Variants in GALNTL6 observed in about 807,000 individuals in gnomAD.
GALNTL6 encodes the protein polypeptide N-acetylgalactosaminyltransferase-like 6.
In GALNTL6, 46 loss-of-function variants were observed where a neutral mutation model predicts 73.7. That is an observed-to-expected ratio of 0.62 (90% CI 0.49 to 0.80). The LOEUF (loss-of-function observed/expected upper bound fraction) is 0.80. GALNTL6 is among the 30% of genes least tolerant of loss of function. GALNTL6 has a pLI of 0.00. For synonymous variants in GALNTL6, 259 were observed against 263.7 expected (o/e 0.98, Z 0.17); for missense variants, 604 against 755.0 (o/e 0.80, Z 2.34).
chr4:173,014,069 A>T (rs1399225284), intron 11 of GALNTL6, among the ~76,000 whole-genome samples: 1 of 152,048 alleles, frequency 6.6e-6, no homozygotes, highest in Non-Finnish European at 1.5e-5. Context: ...GGCAAAAATT[A>T]AAAAAAGGAA....
chr4:171,915,101 T>C (rs1737580931), intron 2 of GALNTL6, among the ~76,000 whole-genome samples: 1 of 152,144 alleles, frequency 6.6e-6, no homozygotes, highest in Non-Finnish European at 1.5e-5. Context: ...GGCTATAACT[T>C]ATAATTGAAT....
chr4:172,665,974 C>T (rs1579309494), intron 5 of GALNTL6, among the ~76,000 whole-genome samples: 1 of 152,136 alleles, frequency 6.6e-6, no homozygotes, highest in East Asian at 1.9e-4. Flanking sequence ...ACATATTCTG[C>T]TTTTCTTTAT....
intron 5 of GALNTL6, among the ~76,000 whole-genome samples, chr4:172,723,783 A>ATT (rs1735631620): frequency 1.8e-5 from 1 of 55,176 alleles, no homozygotes; most frequent in African/African-American, 4.2e-5. Flanking sequence ...AAATCCATTC[A>ATT]CTTTAGGTAT....
At chr4:172,696,645 T>C (rs934276605) in intron 5 of GALNTL6, among the ~76,000 whole-genome samples, 1 of 152,200 alleles carries the variant, frequency 6.6e-6, no homozygotes, top group Admixed American at 6.5e-5. Context: ...GCATACACTC[T>C]CTTGCCTGCT....
intron 5 of GALNTL6, among the ~76,000 whole-genome samples, chr4:172,604,985 A>C (rs1166716519): frequency 6.6e-6 from 1 of 152,148 alleles, no homozygotes; most frequent in Non-Finnish European, 1.5e-5. Context: ...TCCTCAGGAA[A>C]CTCACTGACA....
chr4:172,792,213 GAA>G, intron 5 of GALNTL6, among the ~76,000 whole-genome samples: 1 of 152,256 alleles, frequency 6.6e-6, no homozygotes, highest in East Asian at 1.9e-4. Context: ...GCAAATAAAT[GAA>G]GAGTATATTT....
At chr4:172,549,306 A>G (rs1735878669) in intron 5 of GALNTL6, among the ~76,000 whole-genome samples, 1 of 152,236 alleles carries the variant, frequency 6.6e-6, no homozygotes, top group African/African-American at 2.4e-5. Flanking sequence ...TGATTTTTGT[A>G]TCCTACATTT....
chr4:172,616,994 A>G (rs758774985), intron 5 of GALNTL6, among the ~76,000 whole-genome samples: 5 of 152,052 alleles, frequency 3.3e-5, no homozygotes, highest in African/African-American at 4.8e-5. Flanking sequence ...CTGGGTTTCC[A>G]GGTCTCAAAG....
chr4:172,907,551 G>T (rs936211026), intron 8 of GALNTL6, among the ~76,000 whole-genome samples: 9 of 152,174 alleles, frequency 5.9e-5, no homozygotes, highest in Non-Finnish European at 1.3e-4. Context: ...AACTGCTTTT[G>T]CAAAATACTT....
chr4:171,937,141 A>G (rs1738374075), intron 2 of GALNTL6, among the ~76,000 whole-genome samples: 1 of 152,132 alleles, frequency 6.6e-6, no homozygotes, highest in African/African-American at 2.4e-5. Context: ...CTTGAAAGGG[A>G]ACTAGGGAAA....
intron 5 of GALNTL6, among the ~76,000 whole-genome samples, chr4:172,551,503 G>A (rs969590139): frequency 6.6e-6 from 1 of 151,956 alleles, no homozygotes; most frequent in Non-Finnish European, 1.5e-5. Flanking sequence ...CTGTCCATTT[G>A]ATCTTTAAAT....
Position 171,918,548 on chromosome 4 carries a change from T to A in GALNTL6, c.138+103830T>A, listed in dbSNP as rs948520714. ...AACCTCTGCACGGTGTTGGTAGGAA[T>A]GCAAAATGGTGCAGCCACTAAGGAA... is the stretch of plus-strand genomic sequence containing the variant. On this transcript the variant is annotated intron_variant, in intron 2 of 12. Transcript: ENST00000506823. 3.9e-5 allele frequency among the ~76,000 whole-genome samples: 6 copies of A among 152,208 alleles called. No homozygotes were observed. The East Asian group carries it at 1.2e-3, about 29-fold the overall frequency.
chr4:172,712,359 G>C (rs888836635), intron 5 of GALNTL6, among the ~76,000 whole-genome samples: 2 of 152,110 alleles, frequency 1.3e-5, no homozygotes, highest in African/African-American at 4.8e-5. Context: ...AGTTACGTAT[G>C]TATACATGTG....
intron 5 of GALNTL6, among the ~76,000 whole-genome samples, chr4:172,377,645 C>T (rs991380865): frequency 1.8e-4 from 27 of 152,238 alleles, no homozygotes; most frequent in Admixed American, 9.8e-4. Flanking sequence ...TGGGGGAGCT[C>T]GGTCATGGTG....
intron 2 of GALNTL6, among the ~76,000 whole-genome samples, chr4:172,032,007 A>G (rs1275327030): frequency 6.6e-6 from 1 of 152,116 alleles, no homozygotes; most frequent in Non-Finnish European, 1.5e-5. Flanking sequence ...TTAAGTCAGC[A>G]TTACTTCTTT....
chr4:172,346,988 CTT>C (rs34332250), intron 4 of GALNTL6, among the ~76,000 whole-genome samples: 167 of 114,386 alleles, frequency 1.5e-3, no homozygotes, highest in Middle Eastern at 4.9e-3. Flanking sequence ...TGTTTTCTTT[CTT>C]TTTTTTTTTT....
chr4:172,162,680 A>G (rs1734509333), intron 2 of GALNTL6, among the ~76,000 whole-genome samples: 1 of 152,048 alleles, frequency 6.6e-6, no homozygotes, highest in South Asian at 2.1e-4. Context: ...ATAATTTTGC[A>G]TTCTCATTTG....
At chr4:172,206,325 T>A (rs1257379559) in intron 2 of GALNTL6, among the ~76,000 whole-genome samples, 1 of 152,088 alleles carries the variant, frequency 6.6e-6, no homozygotes. Flanking sequence ...TAGGAGATCA[T>A]GAAACATAAA....
intron 7 of GALNTL6, among the ~76,000 whole-genome samples, chr4:172,880,293 A>T (rs1451912817): frequency 1.3e-5 from 2 of 152,094 alleles, no homozygotes; most frequent in African/African-American, 4.8e-5. Context: ...ATTGCAGTAA[A>T]TTCATGCAAA....
Sources: gnomAD v4.1 joint callset for allele counts (sites outside exome capture counted in the v4.1 genomes callset) on GRCh38, gnomAD v4.1.1 for gene constraint, MANE v1.5 for transcripts, NCBI Gene and HGNC (gene_info 2026-07-23, HGNC 2026-07-21) for gene names.